Variants in BMPR1A observed in about 807,000 individuals in gnomAD.
BMPR1A encodes bone morphogenetic protein receptor type 1A.
In BMPR1A, 7 loss-of-function variants were observed where a neutral mutation model predicts 66.0. The observed-to-expected ratio is 0.11, with a 90% CI of 0.06 to 0.20. The LOEUF is 0.20. BMPR1A is among the 10% of genes least tolerant of loss of function. The pLI is 1.00. For missense variants in BMPR1A, 408 were observed against 669.1 expected (o/e 0.61, Z 4.31); for synonymous variants, 200 against 229.7 (o/e 0.87, Z 1.17).
At chr10:86,874,709 C>CT (rs200991488) in intron 2 of BMPR1A, among the ~76,000 whole-genome samples, 3,703 of 92,320 alleles carry the variant, frequency 0.04, 542 homozygotes, top group African/African-American at 0.062. Context: ...ACCCGACCTT[C>CT]TTTTTTTTTT....
At chr10:86,910,059 G>A (rs1279889582) in intron 7 of BMPR1A, among the ~76,000 whole-genome samples, 4 of 152,118 alleles carry the variant, frequency 2.6e-5, no homozygotes, top group Admixed American at 1.3e-4. Context: ...GTGGCCGGGC[G>A]CAGTGGCACA....
chr10:86,855,737 G>C, intron 2 of BMPR1A: 2 of 901,482 alleles, frequency 2.2e-6, no homozygotes, highest in Non-Finnish European at 3.4e-6. Context: ...TTTGAGACCA[G>C]CTTTCTTTTT....
chr10:86,886,436 A>G (rs576821914), intron 3 of BMPR1A, among the ~76,000 whole-genome samples: 4 of 152,348 alleles, frequency 2.6e-5, no homozygotes, highest in South Asian at 4.1e-4. Flanking sequence ...GCATGATGTG[A>G]TGGGCCTTGG....
intron 1 of BMPR1A, among the ~76,000 whole-genome samples, chr10:86,805,896 TG>T (rs1368956391): frequency 6.7e-6 from 1 of 149,600 alleles, no homozygotes; most frequent in Non-Finnish European, 1.5e-5. Flanking sequence ...CCAACTGAGG[TG>T]TTTTTTTTTT....
chr10:86,757,782 G>A (rs1847901708), intron 1 of BMPR1A, among the ~76,000 whole-genome samples: 2 of 152,152 alleles, frequency 1.3e-5, no homozygotes, highest in African/African-American at 4.8e-5. Context: ...TTGTTTTAGG[G>A]GAAGAAACCG....
At chr10:86,819,062 A>G (rs7077751) in intron 1 of BMPR1A, among the ~76,000 whole-genome samples, 47,229 of 152,066 alleles carry the variant, frequency 0.31, 8,414 homozygotes, top group East Asian at 0.69. Context: ...AAGTGAAGCC[A>G]GCCACGTATT....
At chr10:86,830,621 A>G (rs1407661411) in intron 1 of BMPR1A, among the ~76,000 whole-genome samples, 2 of 151,918 alleles carry the variant, frequency 1.3e-5, no homozygotes, top group Non-Finnish European at 2.9e-5. Context: ...TGCCGTCTAT[A>G]TATCCTCTTC....
chr10:86,924,191 G>T lies in BMPR1A; in HGVS notation c.*472G>T, dbSNP rs1388283125. 6.9e-6 allele frequency: 2 copies of T among 290,992 alleles called. No individual in the cohort carries two copies. Among genetic ancestry groups the T allele is most frequent in the African/African-American group, 4.3e-5 (2 of 46,958 alleles). 18.0% of individuals were successfully genotyped at this position (290,992 alleles called of 1,614,324 possible). A position where few individuals can be genotyped will look rare whatever the true frequency, so the allele number is the denominator to read the frequency against. On this transcript the variant is annotated 3_prime_UTR_variant, in exon 13 of 13. Transcript: ENST00000372037. Reference sequence around the variant, plus strand: ...AGCCTATAGATGATGATGTGTTTGGGATACTGCTTATTTTATGATAGTTTG... The same window carrying T: ...AGCCTATAGATGATGATGTGTTTGGTATACTGCTTATTTTATGATAGTTTG...
intron 1 of BMPR1A, among the ~76,000 whole-genome samples, chr10:86,817,329 A>G (rs181411311): frequency 6.6e-6 from 1 of 152,292 alleles, no homozygotes; most frequent in African/African-American, 2.4e-5. Flanking sequence ...ACGTCATATA[A>G]GTGGCATCAT....
intron 1 of BMPR1A, among the ~76,000 whole-genome samples, chr10:86,783,649 C>T (rs912970536): frequency 1.3e-5 from 2 of 152,106 alleles, no homozygotes; most frequent in Non-Finnish European, 2.9e-5. Flanking sequence ...AGTGCAGTGG[C>T]GTGATCATGG....
At chr10:86,827,539 C>A (rs1486450773) in intron 1 of BMPR1A, among the ~76,000 whole-genome samples, 1 of 152,118 alleles carries the variant, frequency 6.6e-6, no homozygotes, top group Admixed American at 6.6e-5. Flanking sequence ...ACAAAAGGTT[C>A]TCTAGGTTAT....
intron 10 of BMPR1A, 73 bp downstream of exon 10, chr10:86,919,542 G>GA: frequency 6.4e-7 from 1 of 1,568,972 alleles, no homozygotes; most frequent in Non-Finnish European, 8.7e-7. Context: ...TTGTATTCAA[G>GA]ATAATGGAAT....
rs965267934 is a variant in BMPR1A at position 86,872,762 on chromosome 10, A to G, written c.-152-3105A>G. ...ATCATTCCAGATTTGTTTGTTTGTT[A>G]AGATGGGGTCTTGCTGTGTTGCCAA... On this transcript the variant is annotated intron_variant, in intron 2 of 12. Transcript: ENST00000372037. 5.3e-5 allele frequency among the ~76,000 whole-genome samples: 8 copies of G among 152,122 alleles called. No homozygotes were observed. The South Asian group carries it at 8.3e-4, about 16-fold the overall frequency.
intron 5 of BMPR1A, among the ~76,000 whole-genome samples, chr10:86,899,408 G>A (rs917223813): frequency 6.6e-6 from 1 of 152,202 alleles, no homozygotes; most frequent in Non-Finnish European, 1.5e-5. Flanking sequence ...GCCTCTGCAC[G>A]CTCAGCTGCC....
intron 11 of BMPR1A, 131 bp downstream of exon 11, chr10:86,921,826 GTTAT>G (rs1332625905): frequency 8.7e-7 from 1 of 1,155,494 alleles, no homozygotes; most frequent in East Asian, 2.6e-5. Flanking sequence ...TGGATAAGGA[GTTAT>G]TTTGATACAG....
intron 1 of BMPR1A, among the ~76,000 whole-genome samples, chr10:86,802,777 C>T (rs773435427): frequency 1.5e-4 from 22 of 151,574 alleles, no homozygotes; most frequent in Non-Finnish European, 5.9e-5. Context: ...TCTTTCATTC[C>T]AGCCAAAAAT....
chr10:86,841,858 C>A (rs1842428964), intron 2 of BMPR1A, among the ~76,000 whole-genome samples: 1 of 152,160 alleles, frequency 6.6e-6, no homozygotes, highest in Non-Finnish European at 1.5e-5. Context: ...GTTGTGCCTA[C>A]AGAATGAACG....
intron 2 of BMPR1A, 149 bp from the exon 3 acceptor site, chr10:86,875,718 T>TAA (rs979565563): frequency 5.8e-4 from 218 of 374,190 alleles, no homozygotes; most frequent in Middle Eastern, 7.5e-4. Flanking sequence ...TTATAGTGCC[T>TAA]AAAAAAAAAA....
chr10:86,862,355 G>A (rs1021466314), intron 2 of BMPR1A, among the ~76,000 whole-genome samples: 1 of 152,234 alleles, frequency 6.6e-6, no homozygotes, highest in South Asian at 2.1e-4. Flanking sequence ...CCAGGGTCCT[G>A]CAGCAGGACT....
Sources: gnomAD v4.1 joint callset for allele counts (sites outside exome capture counted in the v4.1 genomes callset) on GRCh38, gnomAD v4.1.1 for gene constraint, MANE v1.5 for transcripts, NCBI Gene and HGNC (gene_info 2026-07-23, HGNC 2026-07-21) for gene names.